The following IKBKG variants were observed in gnomAD, a reference collection of about 807,000 sequenced individuals.
The protein encoded by IKBKG is NF-kappa-B essential modulator.
A neutral mutation model predicts 13.7 loss-of-function variants in IKBKG; 2 were observed. The observed-to-expected ratio is 0.15, with a 90% CI of 0.06 to 0.46. IKBKG has a LOEUF of 0.46. Among genes scored for constraint, IKBKG ranks in the 20% least tolerant of loss-of-function variants. IKBKG has a pLI of 0.98. For synonymous variants in IKBKG, 22 were observed against 64.4 expected, an observed-to-expected ratio of 0.34 and a Z score of 3.15; for missense variants, 53 against 150.3, an observed-to-expected ratio of 0.35 and a Z score of 3.39.
At chrX:154,554,903 C>G in intron 2 of IKBKG, among the ~76,000 whole-genome samples, 1 of 111,229 alleles carries the variant, frequency 9.0e-6, no homozygotes, top group Middle Eastern at 4.2e-3. Flanking sequence ...CCCATTTTAT[C>G]CAGCTCTGTA....
At chrX:154,542,592 G>A, upstream of IKBKG, 2 of 842,947 alleles carry the variant, frequency 2.4e-6, no homozygotes, top group East Asian at 3.9e-5. Context: ...AAGCTGGCCA[G>A]GGAGGAGGAA....
intron 1 of IKBKG, chrX:154,548,181 T>A (rs2070810639): frequency 1.6e-6 from 1 of 628,836 alleles, no homozygotes; most frequent in Non-Finnish European, 1.9e-6. Flanking sequence ...GAATGGGCTC[T>A]CCTGGCACAT....
chrX:154,545,995 C>T (rs376364760), upstream of IKBKG: 20 of 1,204,551 alleles, frequency 1.7e-5, no homozygotes, highest in Non-Finnish European at 2.2e-5. Context: ...ATGGAGCAGG[C>T]ACTTCCTGGC....
At chrX:154,553,023 C>T (rs2148370870) in intron 2 of IKBKG, among the ~76,000 whole-genome samples, 1 of 112,763 alleles carries the variant, frequency 8.9e-6, no homozygotes, top group African/African-American at 3.2e-5. Context: ...CTGCGGGGGC[C>T]TTCTAAGCCT....
chrX:154,547,943 C>G (rs1049764825), intron 1 of IKBKG, 198 bp downstream of exon 1: 18 of 754,893 alleles, frequency 2.4e-5, no homozygotes, highest in Non-Finnish European at 2.7e-5. Flanking sequence ...TTCTACTCCT[C>G]CCTCCTCCTC....
At chrX:154,546,828 G>A (rs1557233547), upstream of IKBKG, 10 of 1,157,213 alleles carry the variant, frequency 8.6e-6, no homozygotes, top group Admixed American at 2.5e-5. Flanking sequence ...TCGCAGCCCC[G>A]AAGTGTACGA....
intron 1 of IKBKG, among the ~76,000 whole-genome samples, chrX:154,550,238 GTGTGTGTGTGTGTGTGTGTGTA>G (rs1418059422): frequency 1.9e-5 from 2 of 104,018 alleles, no homozygotes; most frequent in Admixed American, 1.1e-4. Context: ...GTGCTCTTGT[GTGTGTGTGTGTGTGTGTGTGTA>G]TGTGTGTGTG....
chrX:154,546,830 A>C, upstream of IKBKG: 2 of 1,151,635 alleles, frequency 1.7e-6, no homozygotes, highest in Non-Finnish European at 2.3e-6. Context: ...GCAGCCCCGA[A>C]GTGTACGACC....
intron 1 of IKBKG, chrX:154,542,223 A>G (rs1416424720): frequency 1.3e-5 from 12 of 911,213 alleles, no homozygotes; most frequent in Non-Finnish European, 1.8e-5. Context: ...TCCCTCCCAC[A>G]GGCCCATCAT....
upstream of IKBKG, among the ~76,000 whole-genome samples, chrX:154,546,591 C>A (rs2070724606): frequency 9.0e-6 from 1 of 110,829 alleles, no homozygotes; most frequent in Non-Finnish European, 1.9e-5. Flanking sequence ...AGCTGGGTGA[C>A]CCCGGTCGGC....
At chrX:154,548,960 C>T (rs1259538248) in intron 1 of IKBKG, among the ~76,000 whole-genome samples, 1 of 109,258 alleles carries the variant, frequency 9.2e-6, no homozygotes, top group African/African-American at 3.3e-5. Flanking sequence ...AATCCTCTCC[C>T]ATTATTATTT....
intron 4 of IKBKG, among the ~76,000 whole-genome samples, 160 bp downstream of exon 4, chrX:154,558,810 G>A (rs1481610654): frequency 6.8e-5 from 4 of 58,548 alleles, no homozygotes; most frequent in African/African-American, 1.9e-4. Context: ...CCAGGCATCC[G>A]GGACCTGGGT....
upstream of IKBKG, chrX:154,542,549 G>A: frequency 9.7e-7 from 1 of 1,029,579 alleles, no homozygotes; most frequent in Non-Finnish European, 1.3e-6. Flanking sequence ...GGGCCCCCAG[G>A]AAGGAAGCTG....
At chrX:154,551,505 T>A (rs2070931560) in intron 1 of IKBKG, among the ~76,000 whole-genome samples, 2 of 111,511 alleles carry the variant, frequency 1.8e-5, no homozygotes, top group African/African-American at 6.5e-5. Context: ...CCCACCCACG[T>A]CACCCAGAAT....
chrX:154,555,193 A>G (rs1275957415), intron 2 of IKBKG, among the ~76,000 whole-genome samples: 5 of 112,094 alleles, frequency 4.5e-5, no homozygotes, highest in African/African-American at 1.3e-4. Context: ...AGACGCCACT[A>G]ACTTGCCTGG....
chrX:154,547,205 G>C (rs12847690), upstream of IKBKG: 1 of 440,283 alleles, frequency 2.3e-6, no homozygotes, highest in Non-Finnish European at 2.8e-6. Flanking sequence ...CGCTCGCGGA[G>C]GGCTCCACTT....
chrX:154,545,792 G>A (rs371958456), upstream of IKBKG: 45 of 339,809 alleles, frequency 1.3e-4, no homozygotes, highest in East Asian at 1.4e-3. Flanking sequence ...CCAAGATGGC[G>A]CCACTGCACC....
chrX:154,546,224 C>G (rs781992978), upstream of IKBKG: 3 of 1,192,712 alleles, frequency 2.5e-6, no homozygotes, highest in South Asian at 5.3e-5. Context: ...GAAGTTAGCC[C>G]CTTTCTTGAG....
rs1202072328 is a variant in IKBKG at position 154,547,865 on chromosome X, G to T, written c.-16+120G>T. 5.3e-6 allele frequency: 4 copies of T among 753,726 alleles called. No individual in the cohort carries two copies. In the African/African-American group the frequency reaches 9.2e-5, roughly 17 times the overall value. The allele number at this position is 753,726 out of a possible 1,213,427, so 62.1% of individuals were successfully genotyped here. On this transcript the variant is annotated intron_variant, in intron 1 of 9. Transcript: ENST00000594239. Reference sequence around the variant, plus strand: ...GGGCCCCAGCCCGTTCCTGCTCCGCGCTTCTGGAGCACTGGCCAAGGCGGG... The same window carrying T: ...GGGCCCCAGCCCGTTCCTGCTCCGCTCTTCTGGAGCACTGGCCAAGGCGGG...
Sources: allele counts gnomAD v4.1 joint callset (sites outside exome capture counted in the v4.1 genomes callset), GRCh38; gene constraint gnomAD v4.1.1; transcripts MANE v1.5; gene names NCBI Gene and HGNC (gene_info 2026-07-23, HGNC 2026-07-21).